Variants in BFSP1 observed in about 807,000 individuals in gnomAD.
The protein encoded by BFSP1 is filensin.
Under a neutral mutation model 43.9 loss-of-function variants are expected in BFSP1, and 38 were observed. The ratio of observed to expected loss-of-function variants is 0.87; its 90% CI spans 0.67 to 1.14. The LOEUF (loss-of-function observed/expected upper bound fraction) is 1.14, where lower values mean the gene tolerates loss of function less well. BFSP1 is among the 50% of genes most tolerant of loss of function. The pLI, the probability that BFSP1 is intolerant of heterozygous loss-of-function variation, is 0.00. For synonymous variants in BFSP1, 352 were observed against 354.8 expected (o/e 0.99, Z 0.09); for missense variants, 850 against 875.1 (o/e 0.97, Z 0.36).
chr20:17,538,593 C>A lies in BFSP1; in HGVS notation c.3-13685G>T, dbSNP rs140450076. Among the ~76,000 whole-genome samples, 836 of 152,284 alleles carry A rather than the reference C, an allele frequency of 5.5e-3. 6 individuals carry two copies. The highest frequency in any genetic ancestry group is 8.5e-3 in the Non-Finnish European group (576 of 68,024). On this transcript the variant is annotated intron_variant, in intron 1 of 7. Coordinates refer to the BFSP1 transcript ENST00000377868. The stretch of plus-strand genomic sequence containing the variant: ...AACCACGGTAGGAGTTTTACACCTA[C>A]CGAAATGATGGTACGGATTTTCAGA...
Position 17,494,764 on chromosome 20 carries a change from C to G in BFSP1, c.1308G>C (p.Gln436His). 1.2e-6 allele frequency: 2 copies of G among 1,614,210 alleles called. No individual in the cohort carries two copies. The highest frequency in any genetic ancestry group is 1.7e-6 in the Non-Finnish European group (2 of 1,180,042). ...GAPEDVPDGGQISKGFGKLYR... is the reference protein window; with the variant it reads ...GAPEDVPDGGHISKGFGKLYR... ...ATAGTTTCCCAAAGCCTTTGCTTAT[C>G]TGCCCTCCATCTGGCACATCCTCTG... Residue 436 changes from glutamine to histidine, a missense_variant, in exon 8 of 8, where the codon CAG (glutamine) becomes CAC (histidine). Physicochemically the swap from Gln to His is conservative, Grantham distance 24 (BLOSUM62 0). Transcript: ENST00000377873.
chr20:17,548,195 A>AG (rs1179849050), intron 1 of BFSP1, among the ~76,000 whole-genome samples: 13 of 150,340 alleles, frequency 8.6e-5, no homozygotes, highest in Middle Eastern at 3.5e-3. Context: ...AAAAAAAAAA[A>AG]AAAAGAAAAA....
chr20:17,560,196 C>T (rs1031512538), upstream of BFSP1, among the ~76,000 whole-genome samples: 1 of 152,096 alleles, frequency 6.6e-6, no homozygotes, highest in Admixed American at 6.5e-5. Context: ...ATATCTACAT[C>T]TATCTTATGT....
chr20:17,523,238 G>A (rs1987320705), intron 2 of BFSP1, among the ~76,000 whole-genome samples: 4 of 152,154 alleles, frequency 2.6e-5, no homozygotes, highest in African/African-American at 7.2e-5. Context: ...TAAATTCACT[G>A]TCATTTTCCA....
intron 1 of BFSP1, among the ~76,000 whole-genome samples, chr20:17,551,100 G>A (rs746494849): frequency 2.9e-4 from 44 of 152,150 alleles, no homozygotes; most frequent in Non-Finnish European, 5.6e-4. Flanking sequence ...TTTAGTATGT[G>A]GCTTAGTGCC....
At chr20:17,519,926 G>GT (rs1318014743) in intron 2 of BFSP1, among the ~76,000 whole-genome samples, 3 of 152,296 alleles carry the variant, frequency 2.0e-5, no homozygotes, top group African/African-American at 7.2e-5. Flanking sequence ...AGACGCTTGT[G>GT]TTTTTATTAT....
chr20:17,546,307 T>G (rs1442896334), intron 1 of BFSP1, among the ~76,000 whole-genome samples: 1 of 152,140 alleles, frequency 6.6e-6, no homozygotes, highest in Middle Eastern at 3.2e-3. Context: ...CTGATGAGAA[T>G]TCACTCACTA....
intron 1 of BFSP1, among the ~76,000 whole-genome samples, chr20:17,552,000 A>AT (rs1451313757): frequency 1.3e-5 from 2 of 152,344 alleles, no homozygotes; most frequent in East Asian, 3.9e-4. Flanking sequence ...AGAAAAAAAA[A>AT]GAAGAAAATA....
chr20:17,531,201 C>T lies in BFSP1; in HGVS notation c.129G>A (p.Ala43=), dbSNP rs2034529496. ...CCACGCGCTCGCCGAGCCCCTGCAG[C>T]GCCGCCAGGCTCGTTGCCCCAGCCC... The part of the protein sequence containing the change: ...EGWAGATSLA[A]LQGLGERVAA... The change falls in exon 1 of 8, where the codon GCG becomes GCA. Residue 43 remains alanine (A), a synonymous_variant. Coordinates refer to ENST00000377873, the MANE Select transcript of BFSP1 (RefSeq NM_001195.5). The T allele has an allele frequency of 1.5e-6, 2 of 1,309,860 alleles. No individual in the cohort carries two copies. Among genetic ancestry groups the T allele is most frequent in the East Asian group, 3.2e-5 (1 of 30,946 alleles). The allele number at this position is 1,309,860 out of a possible 1,614,324, so 81.1% of individuals were successfully genotyped here. A position where few individuals can be genotyped will look rare whatever the true frequency, so the allele number is the denominator to read the frequency against.
At chr20:17,569,034 A>T (rs1167640277) in intron 1 of BFSP1, 2 of 152,078 alleles carry the variant, frequency 1.3e-5, no homozygotes, top group Non-Finnish European at 1.5e-5. Flanking sequence ...CAAATTAAAA[A>T]CCCGGAGAAC....
At chr20:17,555,388 C>T (rs1456849315) in intron 1 of BFSP1, among the ~76,000 whole-genome samples, 3 of 151,130 alleles carry the variant, frequency 2.0e-5, no homozygotes, top group Admixed American at 1.3e-4. Context: ...AGTGGTGGTT[C>T]ATGCCTGTAA....
At chr20:17,526,120 T>C (rs905348271) in intron 1 of BFSP1, among the ~76,000 whole-genome samples, 2 of 121,264 alleles carry the variant, frequency 1.6e-5, no homozygotes, top group African/African-American at 3.1e-5. Context: ...AGTATCACTT[T>C]TTCTGTTTTT....
At chr20:17,550,628 A>G (rs965147137) in intron 1 of BFSP1, among the ~76,000 whole-genome samples, 1 of 151,958 alleles carries the variant, frequency 6.6e-6, no homozygotes, top group Non-Finnish European at 1.5e-5. Flanking sequence ...GCCCACCACC[A>G]CACCCGGCTA....
chr20:17,515,256 G>A (rs920436871), intron 2 of BFSP1, among the ~76,000 whole-genome samples: 4 of 152,130 alleles, frequency 2.6e-5, no homozygotes, highest in Non-Finnish European at 4.4e-5. Context: ...TAGAAAGATC[G>A]GAGCGCTAGG....
intron 1 of BFSP1, among the ~76,000 whole-genome samples, chr20:17,555,374 C>T (rs572539803): frequency 5.3e-5 from 8 of 151,742 alleles, no homozygotes; most frequent in East Asian, 1.9e-4. Flanking sequence ...GAAACATGGC[C>T]GGCAGTGGTG....
intron 1 of BFSP1, among the ~76,000 whole-genome samples, chr20:17,527,735 AT>A (rs1446583137): frequency 1.6e-5 from 2 of 127,470 alleles, no homozygotes; most frequent in Admixed American, 1.7e-4. Flanking sequence ...ATCAAAAAAA[AT>A]AATAAAATAA....
At chr20:17,524,717 G>A in intron 2 of BFSP1, 131 bp downstream of exon 2, 1 of 938,914 alleles carries the variant, frequency 1.1e-6, no homozygotes, top group Non-Finnish European at 1.7e-6. Context: ...CAAGTCAAGA[G>A]ACAGAGTGAC....
intron 5 of BFSP1, among the ~76,000 whole-genome samples, chr20:17,500,494 C>T (rs1434863995): frequency 1.3e-5 from 2 of 152,232 alleles, no homozygotes; most frequent in Middle Eastern, 3.4e-3. Context: ...AGGACGCCGG[C>T]GTAAACAGAC....
chr20:17,499,102 A>T, intron 5 of BFSP1, 62 bp from the exon 6 acceptor site: 1 of 1,493,260 alleles, frequency 6.7e-7, no homozygotes. Context: ...GACAGACCTC[A>T]CCAGGAAAAG....
Sources: allele counts gnomAD v4.1 joint callset (sites outside exome capture counted in the v4.1 genomes callset), GRCh38; gene constraint gnomAD v4.1.1; transcripts MANE v1.5; gene names NCBI Gene and HGNC (gene_info 2026-07-23, HGNC 2026-07-21).